GPAT4: variants seen among roughly 807,000 people sequenced by gnomAD.
GPAT4 encodes 1-AGP acyltransferase 6.
A neutral mutation model predicts 58.0 loss-of-function variants in GPAT4; 17 were observed. The observed-to-expected ratio is 0.29, with a 90% CI of 0.20 to 0.44. The LOEUF is 0.44. GPAT4 is among the 20% of genes least tolerant of loss of function. The probability of loss-of-function intolerance (pLI) is 1.00; values close to 1 mark genes in which losing one functional copy is unlikely to be tolerated. For synonymous variants in GPAT4, 204 were observed against 210.1 expected, an observed-to-expected ratio of 0.97 and a Z score of 0.25; for missense variants, 377 against 574.5, an observed-to-expected ratio of 0.66 and a Z score of 3.51.
chr8:41,586,874 C>G (rs1160414683), intron 1 of GPAT4, among the ~76,000 whole-genome samples: 1 of 152,210 alleles, frequency 6.6e-6, no homozygotes, highest in Non-Finnish European at 1.5e-5. Flanking sequence ...GGCTCCACAT[C>G]AGAATCGCTC....
At chr8:41,594,092 G>A (rs1224053655) in intron 1 of GPAT4, among the ~76,000 whole-genome samples, 1 of 152,148 alleles carries the variant, frequency 6.6e-6, no homozygotes, top group Non-Finnish European at 1.5e-5. Flanking sequence ...TGACCATAAG[G>A]TAAGATATTT....
chr8:41,598,329 A>G lies in GPAT4; in HGVS notation c.-811A>G, dbSNP rs1447757822. ...GTAAGCAGCTGTTTGCCAAGAACCCAGGTCACTGCTAAGAAAGGGTGCCTT... is the reference window on the plus strand; with the variant it reads ...GTAAGCAGCTGTTTGCCAAGAACCCGGGTCACTGCTAAGAAAGGGTGCCTT... On this transcript the variant is annotated 5_prime_UTR_variant, in exon 2 of 13. Coordinates refer to ENST00000396987, the MANE Select transcript of GPAT4 (RefSeq NM_178819.4). 4 of 152,274 alleles carry G rather than the reference A, an allele frequency of 2.6e-5. No individual in the cohort carries two copies. Among genetic ancestry groups the G allele is most frequent in the African/African-American group, 9.6e-5 (4 of 41,464 alleles). The allele number at this position is 152,274 out of a possible 1,614,324, so 9.4% of individuals were successfully genotyped here. A position where few individuals can be genotyped will look rare whatever the true frequency, so the allele number is the denominator to read the frequency against.
intron 3 of GPAT4, 68 bp from the exon 4 acceptor site, chr8:41,609,587 T>C: frequency 6.3e-7 from 1 of 1,599,926 alleles, no homozygotes; most frequent in Non-Finnish European, 8.6e-7. Flanking sequence ...GTGCAGGATG[T>C]GTGCTCTGAG....
chr8:41,590,706 G>C lies in GPAT4; in HGVS notation c.-848-7586G>C, dbSNP rs182920484. Among the ~76,000 whole-genome samples the C allele has an allele frequency of 3.2e-4, 48 of 152,294 alleles. No homozygotes were observed. The East Asian group carries it at 8.9e-3, about 28-fold the overall frequency. Reference sequence around the variant, plus strand: ...AAAGTGGAAGGAAATGTAAGAAGTGGCCATCAGAACTAGGAACTAGGGTTC... The same window carrying C: ...AAAGTGGAAGGAAATGTAAGAAGTGCCCATCAGAACTAGGAACTAGGGTTC... On this transcript the variant is annotated intron_variant, in intron 1 of 12. Coordinates refer to ENST00000396987, the MANE Select transcript of GPAT4 (RefSeq NM_178819.4).
intron 2 of GPAT4, among the ~76,000 whole-genome samples, chr8:41,600,905 A>C (rs1384993096): frequency 6.6e-6 from 1 of 152,128 alleles, no homozygotes; most frequent in Non-Finnish European, 1.5e-5. Flanking sequence ...TTCAAGGTTC[A>C]TCAGCATCGT....
chr8:41,609,588 G>T, intron 3 of GPAT4, 67 bp from the exon 4 acceptor site: 1 of 1,601,066 alleles, frequency 6.2e-7, no homozygotes, highest in Non-Finnish European at 8.6e-7. Flanking sequence ...TGCAGGATGT[G>T]TGCTCTGAGT....
In GPAT4 at chr8:41,609,818, G is replaced by A. The variant is rs780497969; in HGVS notation, c.399G>A (p.Lys133=). Residue 133 remains lysine (K), a synonymous_variant, in exon 4 of 13, where the codon AAG becomes AAA. Coordinates refer to ENST00000396987, the MANE Select transcript of GPAT4 (RefSeq NM_178819.4). ...METIMDDEVT[K]RFSAEELESW... ...CCATTATGGATGATGAGGTGACAAAGAGATTCTCAGCAGAAGAACTGGAGT... is the reference window on the plus strand; with the variant it reads ...CCATTATGGATGATGAGGTGACAAAAAGATTCTCAGCAGAAGAACTGGAGT... The A allele has an allele frequency of 1.2e-6, 2 of 1,614,084 alleles. No homozygotes were observed. Among genetic ancestry groups the A allele is most frequent in the African/African-American group, 2.7e-5 (2 of 74,938 alleles).
At chr8:41,618,837 T>C in intron 11 of GPAT4, 25 bp downstream of exon 11, 1 of 1,614,256 alleles carries the variant, frequency 6.2e-7, no homozygotes. Flanking sequence ...CAGGCAGGTC[T>C]GCGCCTGCTC....
rs1393915099 is a variant in GPAT4 at position 41,579,010 on chromosome 8, G to C, written c.-849+732G>C. 1.3e-5 allele frequency among the ~76,000 whole-genome samples: 2 copies of C among 152,114 alleles called. 1 individual carries two copies. Among genetic ancestry groups the C allele is most frequent in the African/African-American group, 4.8e-5 (2 of 41,424 alleles). On this transcript the variant is annotated intron_variant, in intron 1 of 12. Transcript: ENST00000396987. Reference sequence around the variant, plus strand: ...ACCTTGAGGTCATTTGAGGAATTTTGTTTTTGGTTCATTTTCCTTAATTTT... The same window carrying C: ...ACCTTGAGGTCATTTGAGGAATTTTCTTTTTGGTTCATTTTCCTTAATTTT...
chr8:41,600,430 C>T (rs1345284466), intron 2 of GPAT4, among the ~76,000 whole-genome samples: 1 of 152,104 alleles, frequency 6.6e-6, no homozygotes, highest in Non-Finnish European at 1.5e-5. Flanking sequence ...TTTTATCAAC[C>T]TGCATTTTAT....
chr8:41,616,709 C>T (rs1289915591), intron 10 of GPAT4, among the ~76,000 whole-genome samples: 1 of 152,116 alleles, frequency 6.6e-6, no homozygotes. Context: ...GAACACGAAC[C>T]CTGAGGAGTT....
chr8:41,593,689 C>T (rs1043050592), intron 1 of GPAT4, among the ~76,000 whole-genome samples: 5 of 152,222 alleles, frequency 3.3e-5, no homozygotes. Context: ...TCTAGTTTCC[C>T]TTCTTTTCAC....
At chr8:41,600,429 CCTGCATTTTATTTAT>C (rs1403546060) in intron 2 of GPAT4, among the ~76,000 whole-genome samples, 2 of 152,070 alleles carry the variant, frequency 1.3e-5, no homozygotes, top group Admixed American at 6.6e-5. Flanking sequence ...ATTTTATCAA[CCTGCATTTTATTTAT>C]CTGCATTTTA....
At chr8:41,617,573 C>T (rs1368117376) in intron 10 of GPAT4, among the ~76,000 whole-genome samples, 1 of 152,122 alleles carries the variant, frequency 6.6e-6, no homozygotes, top group Non-Finnish European at 1.5e-5. Context: ...ACAGTCTTGT[C>T]AAAATTGTCC....
chr8:41,586,766 A>G (rs1802665030), intron 1 of GPAT4, among the ~76,000 whole-genome samples: 1 of 152,090 alleles, frequency 6.6e-6, no homozygotes. Flanking sequence ...GATGCCTTTT[A>G]CGTATGGATA....
chr8:41,607,407 C>T (rs1297789197), intron 2 of GPAT4, among the ~76,000 whole-genome samples: 2 of 152,140 alleles, frequency 1.3e-5, no homozygotes, highest in African/African-American at 2.4e-5. Context: ...AGCCTGCAGG[C>T]GTCTTGAATT....
chr8:41,588,905 A>T (rs1330842866), intron 1 of GPAT4, among the ~76,000 whole-genome samples: 1 of 152,188 alleles, frequency 6.6e-6, no homozygotes, highest in African/African-American at 2.4e-5. Context: ...CTGTGGGGGA[A>T]CGTTGGCCCT....
At chr8:41,602,629 T>C (rs1052338384) in intron 2 of GPAT4, among the ~76,000 whole-genome samples, 1 of 152,134 alleles carries the variant, frequency 6.6e-6, no homozygotes, top group African/African-American at 2.4e-5. Flanking sequence ...GGGCTTCAGG[T>C]CTTGGGAAGT....
At position 41,620,882 on chromosome 8, in the gene GPAT4, T is replaced by A. The variant is rs958060387; in HGVS notation, c.1263-11T>A. 1 of 1,550,350 alleles carries A rather than the reference T, an allele frequency of 6.5e-7. No homozygotes were observed. The highest frequency in any genetic ancestry group is 8.7e-7 in the Non-Finnish European group (1 of 1,146,968). On this transcript the variant is annotated splice_polypyrimidine_tract_variant and intron_variant, in intron 12 of 12. Coordinates refer to ENST00000396987, the MANE Select transcript of GPAT4 (RefSeq NM_178819.4). ...CTTGGCTGTTACTACATCCAGCCTT[T>A]GTCTCTCCAGGGATGGGGGCCTGAA... is the stretch of plus-strand genomic sequence containing the variant.
Sources: gnomAD v4.1 joint callset for allele counts (sites outside exome capture counted in the v4.1 genomes callset) on GRCh38, gnomAD v4.1.1 for gene constraint, MANE v1.5 for transcripts, NCBI Gene and HGNC (gene_info 2026-07-23, HGNC 2026-07-21) for gene names.